The following PCDHGA1 variants were observed in gnomAD, a reference collection of about 807,000 sequenced individuals.
PCDHGA1 encodes the protein protocadherin gamma-A1.
PCDHGA1 carries 32 observed loss-of-function variants against 58.0 expected under a neutral mutation model. The observed-to-expected ratio is 0.55, with a 90% CI of 0.42 to 0.74. The LOEUF is 0.74. Ranked by LOEUF, PCDHGA1 falls within the 30% of genes least tolerant of loss-of-function variation. PCDHGA1 has a pLI of 0.00. For synonymous variants in PCDHGA1, 498 were observed against 501.1 expected (o/e 0.99, Z 0.08); for missense variants, 1,205 against 1,182.3 (o/e 1.02, Z -0.28).
At chr5:141,380,705 T>G (rs1776676195) in intron 1 of PCDHGA1, among the ~76,000 whole-genome samples, 1 of 152,242 alleles carries the variant, frequency 6.6e-6, no homozygotes, top group African/African-American at 2.4e-5. Context: ...AGTCTATAAT[T>G]TAATTTAACT....
intron 3 of PCDHGA1, among the ~76,000 whole-genome samples, chr5:141,509,841 C>T (rs546036990): frequency 2.0e-5 from 3 of 152,326 alleles, no homozygotes; most frequent in African/African-American, 7.2e-5. Context: ...ACCTCCCATT[C>T]ACTCAGAACA....
Position 141,431,303 on chromosome 5 carries a change from G to A in PCDHGA1, c.2422-63504G>A, listed in dbSNP as rs777784010. 2 of 1,613,942 alleles carry A rather than the reference G, an allele frequency of 1.2e-6. No homozygotes were observed. The highest frequency in any genetic ancestry group is 2.7e-5 in the African/African-American group (2 of 74,916). ...CCCGAACACTCACTTCTCCCTCATC[G>A]TGCAAAATGGAGCCGACGGTAGTAA... On this transcript the variant is annotated intron_variant, in intron 1 of 3. Transcript: ENST00000517417. The surrounding 1 kb of genome is among the most constrained non-coding windows in gnomAD (Gnocchi z 4.8).
chr5:141,357,189 T>A, intron 1 of PCDHGA1: 1 of 1,613,760 alleles, frequency 6.2e-7, no homozygotes, highest in Non-Finnish European at 8.5e-7. Context: ...TCACTGTGGC[T>A]GTGGCCGACA....
chr5:141,393,744 G>A lies in PCDHGA1; in HGVS notation c.2421+60639G>A, dbSNP rs770821376. The A allele has an allele frequency of 2.0e-5, 32 of 1,613,750 alleles. No individual in the cohort carries two copies. The highest frequency in any genetic ancestry group is 2.7e-5 in the Non-Finnish European group (32 of 1,179,884). On this transcript the variant is annotated intron_variant, in intron 1 of 3. Coordinates refer to ENST00000517417, the MANE Select transcript of PCDHGA1 (RefSeq NM_018912.3). ...AATAGCAAAAAGTCTAGATTATGAAGAATGTTCATTTTATGAAATGGAAAT... is the reference window on the plus strand; with the variant it reads ...AATAGCAAAAAGTCTAGATTATGAAAAATGTTCATTTTATGAAATGGAAAT...
chr5:141,360,715 T>A (rs774393413), intron 1 of PCDHGA1: 4 of 1,613,776 alleles, frequency 2.5e-6, no homozygotes, highest in Non-Finnish European at 3.4e-6. Context: ...ATATCCTGAG[T>A]TGATTCTAAA....
At chr5:141,495,558 A>G (rs2099762084) in intron 2 of PCDHGA1, among the ~76,000 whole-genome samples, 1 of 151,662 alleles carries the variant, frequency 6.6e-6, no homozygotes, top group Admixed American at 6.6e-5. Flanking sequence ...TCGCTTTGCA[A>G]TCTCTGCCTC....
chr5:141,395,111 T>A, intron 1 of PCDHGA1: 1 of 1,613,670 alleles, frequency 6.2e-7, no homozygotes, highest in Non-Finnish European at 8.5e-7. Flanking sequence ...CGCGGAAGAG[T>A]CACCTGATCT....
Position 141,476,990 on chromosome 5 carries a change from C to T in PCDHGA1, c.2422-17817C>T, listed in dbSNP as rs2099402882. ...CGGCAGCCACAACCGCGCCGGCGTGCGGCAACTATTCGCCTTAGACCTTGT... is the reference window on the plus strand; with the variant it reads ...CGGCAGCCACAACCGCGCCGGCGTGTGGCAACTATTCGCCTTAGACCTTGT... On this transcript the variant is annotated intron_variant, in intron 1 of 3. Coordinates refer to ENST00000517417, the MANE Select transcript of PCDHGA1 (RefSeq NM_018912.3). The surrounding 1 kb of genome is among the most constrained non-coding windows in gnomAD (Gnocchi z 7.6). 6.2e-7 allele frequency: 1 copy of T among 1,614,220 alleles called. No individual in the cohort carries two copies. The highest frequency in any genetic ancestry group is 8.5e-7 in the Non-Finnish European group (1 of 1,180,046).
chr5:141,348,093 TG>T (rs1461141489), intron 1 of PCDHGA1, among the ~76,000 whole-genome samples: 1 of 152,260 alleles, frequency 6.6e-6, no homozygotes, highest in African/African-American at 2.4e-5. Context: ...CAGAAATTGT[TG>T]GCTTATTCTG....
Position 141,431,520 on chromosome 5 carries a change from A to T in PCDHGA1, c.2422-63287A>T. ...GAGTACCGCGCGAGCGTTCCGGAGA[A>T]TCTGGCCTTGGGCACGCAGCTGCTT... On this transcript the variant is annotated intron_variant, in intron 1 of 3. Transcript: ENST00000517417. The surrounding 1 kb of genome is among the most constrained non-coding windows in gnomAD (Gnocchi z 4.8). 6.2e-7 allele frequency: 1 copy of T among 1,614,068 alleles called. No homozygotes were observed. Among genetic ancestry groups the T allele is most frequent in the Non-Finnish European group, 8.5e-7 (1 of 1,180,020 alleles).
At chr5:141,383,115 G>A (rs1588935536) in intron 1 of PCDHGA1, 4 of 1,614,078 alleles carry the variant, frequency 2.5e-6, no homozygotes, top group Non-Finnish European at 2.5e-6. Context: ...GAGGTAGGAC[G>A]CAGCTTTTCG....
intron 1 of PCDHGA1, chr5:141,375,437 T>G (rs763678633): frequency 3.1e-6 from 5 of 1,613,964 alleles, no homozygotes; most frequent in Non-Finnish European, 4.2e-6. Flanking sequence ...CCCGCCCACC[T>G]TCCCCCATTC....
chr5:141,378,478 GT>G (rs1210036765), intron 1 of PCDHGA1: 3 of 152,162 alleles, frequency 2.0e-5, no homozygotes, highest in African/African-American at 7.2e-5. Flanking sequence ...AGCCAAGATC[GT>G]GCCACTGCAC....
chr5:141,500,139 CT>C (rs2099796692), intron 2 of PCDHGA1, among the ~76,000 whole-genome samples: 2 of 151,768 alleles, frequency 1.3e-5, no homozygotes, highest in East Asian at 3.9e-4. Context: ...TCTTTCTAAA[CT>C]TTTCTTTGTG....
chr5:141,419,461 C>T, intron 1 of PCDHGA1: 2 of 1,612,628 alleles, frequency 1.2e-6, no homozygotes, highest in Non-Finnish European at 1.7e-6. Flanking sequence ...CGCTGCAGGC[C>T]CGCGACCAGG....
chr5:141,370,266 G>A, intron 1 of PCDHGA1: 2 of 765,958 alleles, frequency 2.6e-6, no homozygotes, highest in Non-Finnish European at 4.1e-6. Flanking sequence ...GCTTCCTGCA[G>A]CGGAGACACC....
intron 1 of PCDHGA1, chr5:141,409,922 T>C (rs752487198): frequency 1.2e-6 from 2 of 1,613,182 alleles, no homozygotes; most frequent in African/African-American, 2.7e-5. Context: ...CGGCTCCGCG[T>C]TCTTCGATAT....
chr5:141,355,068 T>C lies in PCDHGA1; in HGVS notation c.2421+21963T>C, dbSNP rs544204227. ...ACAAAGCACTGGCTCTGGAGCTTTA[T>C]GAAAGCTTCAAGCGGAAGCCCTGAG... On this transcript the variant is annotated intron_variant, in intron 1 of 3. Transcript: ENST00000517417. 115 of 1,333,900 alleles carry C rather than the reference T, an allele frequency of 8.6e-5. 2 individuals carry two copies. The South Asian group carries it at 1.7e-3, about 20-fold the overall frequency. The allele number at this position is 1,333,900 out of a possible 1,614,324, so 82.6% of individuals were successfully genotyped here.
intron 1 of PCDHGA1, among the ~76,000 whole-genome samples, chr5:141,450,093 G>A (rs1330425383): frequency 2.8e-5 from 4 of 143,748 alleles, no homozygotes; most frequent in East Asian, 2.1e-4. Context: ...TGCAACCTCC[G>A]CCTCCCAGGT....
Sources: gnomAD v4.1 joint callset for allele counts (sites outside exome capture counted in the v4.1 genomes callset) on GRCh38, gnomAD v4.1.1 for gene constraint, Gnocchi (gnomAD v3.1) non-coding constraint, MANE v1.5 for transcripts, NCBI Gene and HGNC (gene_info 2026-07-23, HGNC 2026-07-21) for gene names.